The following KCTD1 variants were observed in gnomAD, a reference collection of about 807,000 sequenced individuals.
KCTD1 encodes the protein BTB/POZ domain-containing protein KCTD1.
A neutral mutation model predicts 66.0 loss-of-function variants in KCTD1; 24 were observed. The observed-to-expected ratio is 0.36, with a 90% confidence interval of 0.26 to 0.51. KCTD1 has a LOEUF of 0.51. Among genes scored for constraint, KCTD1 ranks in the 20% least tolerant of loss-of-function variants. The pLI is 0.95. For synonymous variants in KCTD1, 511 were observed against 517.2 expected, an observed-to-expected ratio of 0.99 and a Z score of 0.16; for missense variants, 943 against 1,205.2, an observed-to-expected ratio of 0.78 and a Z score of 3.22.
chr18:26,486,649 C>T (rs1003253322), intron 2 of KCTD1, among the ~76,000 whole-genome samples: 5 of 152,298 alleles, frequency 3.3e-5, no homozygotes, highest in African/African-American at 7.2e-5. Flanking sequence ...ACTCTGGGCC[C>T]GTCCCCCTGT....
intron 1 of KCTD1, among the ~76,000 whole-genome samples, chr18:26,638,635 T>A (rs2145058854): frequency 6.6e-6 from 1 of 152,330 alleles, no homozygotes; most frequent in East Asian, 1.9e-4. Context: ...ATTGGATGTG[T>A]CTGGGGAAGT....
chr18:26,541,724 T>C (rs531018445), intron 1 of KCTD1, among the ~76,000 whole-genome samples: 21 of 152,332 alleles, frequency 1.4e-4, no homozygotes, highest in African/African-American at 2.6e-4. Flanking sequence ...ATCCAGTTTA[T>C]GGTCATGGGC....
intron 1 of KCTD1, among the ~76,000 whole-genome samples, chr18:26,654,473 T>G (rs1399813946): frequency 6.6e-6 from 1 of 152,130 alleles, no homozygotes. Context: ...AACAAGCTAT[T>G]ACTGTGCACC....
chr18:26,459,478 G>T, intron 4 of KCTD1, 142 bp downstream of exon 4: 1 of 721,664 alleles, frequency 1.4e-6, no homozygotes, highest in Non-Finnish European at 2.3e-6. Context: ...CTGCTATAGA[G>T]GGTGATAATT....
intron 1 of KCTD1, among the ~76,000 whole-genome samples, chr18:26,505,143 G>T (rs1261923449): frequency 6.6e-6 from 1 of 152,272 alleles, no homozygotes. Flanking sequence ...TTACACAGCT[G>T]CTTCCCTGCG....
intron 2 of KCTD1, among the ~76,000 whole-genome samples, chr18:26,483,913 G>T (rs996346492): frequency 6.6e-6 from 1 of 152,144 alleles, no homozygotes; most frequent in East Asian, 1.9e-4. Context: ...GAAACAAAGT[G>T]GGGGGAAGGG....
At chr18:26,621,032 A>G (rs945506877) in intron 1 of KCTD1, among the ~76,000 whole-genome samples, 9 of 151,374 alleles carry the variant, frequency 5.9e-5, no homozygotes, top group African/African-American at 2.2e-4. Flanking sequence ...ACGGGGTTTC[A>G]CCGTGTTAGC....
chr18:26,523,647 T>A (rs1180692858), intron 1 of KCTD1, among the ~76,000 whole-genome samples: 2 of 151,990 alleles, frequency 1.3e-5, no homozygotes, highest in Admixed American at 6.6e-5. Flanking sequence ...AATTAAAAAA[T>A]TTAAAACAAA....
intron 1 of KCTD1, among the ~76,000 whole-genome samples, chr18:26,533,409 A>C (rs769924351): frequency 8.5e-5 from 13 of 152,252 alleles, no homozygotes; most frequent in Non-Finnish European, 1.3e-4. Flanking sequence ...GTCTCAAATG[A>C]GCACTTTATT....
chr18:26,506,012 A>G (rs188626772), intron 1 of KCTD1, among the ~76,000 whole-genome samples: 1 of 151,892 alleles, frequency 6.6e-6, no homozygotes, highest in African/African-American at 2.4e-5. Context: ...AGTAGCTGGG[A>G]CTGCAGGTGT....
chr18:26,505,130 C>T (rs1421051394), intron 1 of KCTD1, among the ~76,000 whole-genome samples: 2 of 152,272 alleles, frequency 1.3e-5, no homozygotes, highest in African/African-American at 4.8e-5. Flanking sequence ...GGAATCCTTC[C>T]TGTTACACAG....
At chr18:26,513,046 A>AC (rs561722042) in intron 1 of KCTD1, among the ~76,000 whole-genome samples, 82 of 150,846 alleles carry the variant, frequency 5.4e-4, no homozygotes, top group African/African-American at 1.9e-3. Flanking sequence ...ATACTTAAAT[A>AC]CCCCAAAGAA....
chr18:26,475,749 G>A (rs1418448048), intron 3 of KCTD1, among the ~76,000 whole-genome samples: 1 of 152,178 alleles, frequency 6.6e-6, no homozygotes, highest in African/African-American at 2.4e-5. Context: ...CTACTCGGGA[G>A]GCTGAGGCAG....
At chr18:26,585,001 C>A (rs147188499) in intron 1 of KCTD1, among the ~76,000 whole-genome samples, 491 of 152,198 alleles carry the variant, frequency 3.2e-3, no homozygotes, top group African/African-American at 0.011. Flanking sequence ...GTCTAGATTG[C>A]AAGGAGCCCT....
intron 3 of KCTD1, among the ~76,000 whole-genome samples, chr18:26,475,976 T>C (rs1434277981): frequency 1.3e-5 from 2 of 152,226 alleles, no homozygotes; most frequent in African/African-American, 4.8e-5. Context: ...TGAAGAAACA[T>C]TGTCAGCTGC....
chr18:26,500,160 G>A (rs1195670686), intron 2 of KCTD1, among the ~76,000 whole-genome samples: 1 of 151,836 alleles, frequency 6.6e-6, no homozygotes, highest in Non-Finnish European at 1.5e-5. Context: ...CTCACACCTA[G>A]AGTCCCAGCA....
chr18:26,501,066 G>T lies in KCTD1; in HGVS notation c.1988+6C>A. On this transcript the variant is annotated splice_donor_region_variant and intron_variant, in intron 2 of 4. Coordinates refer to ENST00000580059, the MANE Select transcript of KCTD1 (RefSeq NM_001142730.3). ...CGGAGTCTGATTTTTCAGTTTTTCA[G>T]ATTACCTGGATTCAGGGTATTTGGT... 1 of 1,609,860 alleles carries T rather than the reference G, an allele frequency of 6.2e-7. No homozygotes were observed. Among genetic ancestry groups the T allele is most frequent in the South Asian group, 1.1e-5 (1 of 90,588 alleles).
intron 1 of KCTD1, among the ~76,000 whole-genome samples, chr18:26,656,219 C>T (rs895652322): frequency 6.6e-6 from 1 of 152,126 alleles, no homozygotes; most frequent in Non-Finnish European, 1.5e-5. Flanking sequence ...AGGATGCGGG[C>T]TCCTGACTTG....
At chr18:26,465,685 A>G (rs1241732582) in intron 3 of KCTD1, among the ~76,000 whole-genome samples, 3 of 152,194 alleles carry the variant, frequency 2.0e-5, no homozygotes, top group African/African-American at 7.2e-5. Flanking sequence ...GCGGGACGGA[A>G]GGCAGGCCCA....
Sources: allele counts gnomAD v4.1 joint callset (sites outside exome capture counted in the v4.1 genomes callset), GRCh38; gene constraint gnomAD v4.1.1; transcripts MANE v1.5; gene names NCBI Gene and HGNC (gene_info 2026-07-23, HGNC 2026-07-21).